SGCZ: variants seen among roughly 807,000 people sequenced by gnomAD.
The protein encoded by SGCZ is zeta-sarcoglycan.
In SGCZ, 40 loss-of-function variants were observed where a neutral mutation model predicts 41.3. The ratio of observed to expected loss-of-function variants is 0.97; its 90% CI spans 0.75 to 1.26. The LOEUF (loss-of-function observed/expected upper bound fraction) is 1.26, where lower values mean the gene tolerates loss of function less well. Ranked by LOEUF, SGCZ falls within the 50% of genes most tolerant of loss-of-function variation. The pLI, the probability that SGCZ is intolerant of heterozygous loss-of-function variation, is 0.00. For missense variants in SGCZ, 552 were observed against 369.8 expected (o/e 1.49, Z -4.04); for synonymous variants, 206 against 137.5 (o/e 1.50, Z -3.49).
At chr8:14,607,189 T>C (rs559831072) in intron 1 of SGCZ, among the ~76,000 whole-genome samples, 6 of 152,124 alleles carry the variant, frequency 3.9e-5, no homozygotes, top group Non-Finnish European at 5.9e-5. Flanking sequence ...TATACATACA[T>C]ACAAAACAAC....
At chr8:14,386,398 CA>C (rs1195567182) in intron 2 of SGCZ, among the ~76,000 whole-genome samples, 1 of 151,412 alleles carries the variant, frequency 6.6e-6, no homozygotes, top group African/African-American at 2.4e-5. Flanking sequence ...TATTTTAATC[CA>C]AAAAGCTCTG....
intron 1 of SGCZ, among the ~76,000 whole-genome samples, chr8:15,185,976 G>A (rs1800319084): frequency 6.6e-6 from 1 of 151,200 alleles, no homozygotes; most frequent in African/African-American, 2.4e-5. Flanking sequence ...TGTAATCCCA[G>A]CACTTTGGGA....
At chr8:15,034,955 T>C (rs1803820725) in intron 1 of SGCZ, among the ~76,000 whole-genome samples, 1 of 152,154 alleles carries the variant, frequency 6.6e-6, no homozygotes, top group Admixed American at 6.5e-5. Context: ...AGAAAGCCTA[T>C]TGGGAATTTT....
chr8:15,197,372 C>T (rs551917427), intron 1 of SGCZ, among the ~76,000 whole-genome samples: 7 of 152,206 alleles, frequency 4.6e-5, no homozygotes, highest in South Asian at 2.1e-4. Context: ...AACATCTTCA[C>T]GAAAACTAAG....
At chr8:14,441,635 T>C (rs1477242299) in intron 2 of SGCZ, among the ~76,000 whole-genome samples, 1 of 152,176 alleles carries the variant, frequency 6.6e-6, no homozygotes, top group Non-Finnish European at 1.5e-5. Context: ...GTTAGAGTTC[T>C]CCTCTCAAGG....
intron 6 of SGCZ, among the ~76,000 whole-genome samples, chr8:14,102,921 A>G (rs1298824099): frequency 6.6e-6 from 1 of 152,192 alleles, no homozygotes; most frequent in African/African-American, 2.4e-5. Flanking sequence ...ATGTAGATAT[A>G]TGTATTCCTC....
chr8:14,268,280 G>C (rs1176891726), intron 3 of SGCZ, among the ~76,000 whole-genome samples: 1 of 148,950 alleles, frequency 6.7e-6, no homozygotes, highest in South Asian at 2.1e-4. Flanking sequence ...CCTACTCCCA[G>C]GATACATATA....
chr8:15,107,421 G>C (rs1039468715), intron 1 of SGCZ, among the ~76,000 whole-genome samples: 2 of 152,140 alleles, frequency 1.3e-5, no homozygotes, highest in African/African-American at 4.8e-5. Flanking sequence ...TTCAGGGTGA[G>C]AGGATTCTTC....
At chr8:14,111,403 C>G (rs1282976030) in intron 5 of SGCZ, among the ~76,000 whole-genome samples, 1 of 152,096 alleles carries the variant, frequency 6.6e-6, no homozygotes, top group African/African-American at 2.4e-5. Flanking sequence ...AAAAGACAGA[C>G]TGTCATGAAT....
intron 1 of SGCZ, among the ~76,000 whole-genome samples, chr8:14,852,176 AC>A (rs1803353893): frequency 6.6e-6 from 1 of 152,168 alleles, no homozygotes; most frequent in Non-Finnish European, 1.5e-5. Flanking sequence ...AAATAAAATC[AC>A]AAAATCTCAA....
intron 5 of SGCZ, among the ~76,000 whole-genome samples, chr8:14,146,832 A>G (rs1334793115): frequency 7.0e-6 from 1 of 142,212 alleles, no homozygotes; most frequent in East Asian, 2.0e-4. Context: ...AGATCCCGCC[A>G]CTGCACTCCA....
intron 1 of SGCZ, among the ~76,000 whole-genome samples, chr8:15,076,994 C>T (rs911115813): frequency 6.6e-6 from 1 of 152,128 alleles, no homozygotes; most frequent in African/African-American, 2.4e-5. Context: ...TACATAATTG[C>T]AGCGTGTCTC....
chr8:14,282,708 C>A (rs1585316742), intron 3 of SGCZ, among the ~76,000 whole-genome samples: 1 of 152,112 alleles, frequency 6.6e-6, no homozygotes, highest in African/African-American at 2.4e-5. Flanking sequence ...CTCAAATGTT[C>A]CTTCTGCAAT....
At chr8:14,187,892 A>C (rs1177892312) in intron 4 of SGCZ, among the ~76,000 whole-genome samples, 1 of 152,208 alleles carries the variant, frequency 6.6e-6, no homozygotes, top group Non-Finnish European at 1.5e-5. Context: ...GATGCATCAT[A>C]ATAAAAATGA....
chr8:14,172,922 C>T (rs558033432), intron 4 of SGCZ, among the ~76,000 whole-genome samples: 5 of 152,196 alleles, frequency 3.3e-5, no homozygotes, highest in African/African-American at 1.2e-4. Flanking sequence ...ATAAAGACTA[C>T]TAGGGAATGT....
chr8:14,901,147 G>A (rs1435711812), intron 1 of SGCZ, among the ~76,000 whole-genome samples: 2 of 152,142 alleles, frequency 1.3e-5, no homozygotes, highest in Non-Finnish European at 2.9e-5. Context: ...TTATACATAT[G>A]GACTGTAAAA....
intron 1 of SGCZ, among the ~76,000 whole-genome samples, chr8:15,011,093 CTT>C (rs1359717762): frequency 6.6e-6 from 1 of 152,094 alleles, no homozygotes; most frequent in Non-Finnish European, 1.5e-5. Flanking sequence ...ATCTTATCTT[CTT>C]GTTTGCTTTT....
At chr8:15,151,628 C>T (rs1399129499) in intron 1 of SGCZ, among the ~76,000 whole-genome samples, 1 of 152,132 alleles carries the variant, frequency 6.6e-6, no homozygotes, top group Non-Finnish European at 1.5e-5. Context: ...TAGAGAAATA[C>T]TTCAAACTAT....
intron 2 of SGCZ, among the ~76,000 whole-genome samples, chr8:14,509,056 T>C (rs1340670671): frequency 6.6e-6 from 1 of 152,174 alleles, no homozygotes; most frequent in East Asian, 1.9e-4. Context: ...TTCACTCTCA[T>C]TAGATCCTGG....
Sources: gnomAD v4.1 joint callset for allele counts (sites outside exome capture counted in the v4.1 genomes callset) on GRCh38, gnomAD v4.1.1 for gene constraint, MANE v1.5 for transcripts, NCBI Gene and HGNC (gene_info 2026-07-23, HGNC 2026-07-21) for gene names.